Variants in PRKG1 observed in about 807,000 individuals in gnomAD.
PRKG1 encodes the protein protein kinase cGMP-dependent 1.
Under a neutral mutation model 88.1 loss-of-function variants are expected in PRKG1, and 35 were observed. The observed-to-expected ratio is 0.40, with a 90% CI of 0.30 to 0.53. The LOEUF (loss-of-function observed/expected upper bound fraction) is 0.53, where lower values mean the gene tolerates loss of function less well. Among genes scored for constraint, PRKG1 ranks in the 20% least tolerant of loss-of-function variants. PRKG1 has a pLI of 0.59. For synonymous variants in PRKG1, 303 were observed against 292.5 expected (o/e 1.04, Z -0.37); for missense variants, 540 against 839.8 (o/e 0.64, Z 4.41).
intron 2 of PRKG1, among the ~76,000 whole-genome samples, chr10:51,325,082 G>T (rs1303766239): frequency 6.6e-6 from 1 of 152,138 alleles, no homozygotes; most frequent in Non-Finnish European, 1.5e-5. Flanking sequence ...ACTAGGGTGA[G>T]ATGATATCTG....
At chr10:52,187,754 A>AATGCT (rs1418184361) in intron 9 of PRKG1, among the ~76,000 whole-genome samples, 1 of 152,200 alleles carries the variant, frequency 6.6e-6, no homozygotes, top group Non-Finnish European at 1.5e-5. Context: ...CCATGAGCCA[A>AATGCT]ACACTGGTCA....
chr10:52,109,183 G>A (rs1229700281), intron 7 of PRKG1, among the ~76,000 whole-genome samples: 5 of 152,082 alleles, frequency 3.3e-5, no homozygotes, highest in Non-Finnish European at 5.9e-5. Context: ...AGGTCTCAGC[G>A]GGGGAGTGGC....
At chr10:51,822,195 G>A (rs1268307282) in intron 4 of PRKG1, among the ~76,000 whole-genome samples, 3 of 151,896 alleles carry the variant, frequency 2.0e-5, no homozygotes, top group Non-Finnish European at 4.4e-5. Flanking sequence ...TATATGGTGT[G>A]TGTATTTATA....
At chr10:51,148,918 T>C (rs1348945322) in intron 1 of PRKG1, among the ~76,000 whole-genome samples, 1 of 152,138 alleles carries the variant, frequency 6.6e-6, no homozygotes, top group Non-Finnish European at 1.5e-5. Flanking sequence ...TTATAGTCCT[T>C]CACTGGTGTT....
chr10:51,802,081 A>G (rs917340095), intron 3 of PRKG1, among the ~76,000 whole-genome samples: 13 of 152,150 alleles, frequency 8.5e-5, no homozygotes, highest in Admixed American at 7.9e-4. Flanking sequence ...ATATTTTTGA[A>G]TGGTCTCTGT....
intron 3 of PRKG1, among the ~76,000 whole-genome samples, chr10:51,669,812 A>C (rs1589178829): frequency 6.6e-6 from 1 of 152,208 alleles, no homozygotes; most frequent in African/African-American, 2.4e-5. Context: ...TAGTTACCAT[A>C]AATGTTCCAT....
At chr10:52,228,226 A>G (rs984476280) in intron 9 of PRKG1, among the ~76,000 whole-genome samples, 2 of 151,990 alleles carry the variant, frequency 1.3e-5, no homozygotes, top group Non-Finnish European at 2.9e-5. Context: ...TCTCACTTTC[A>G]TTCACTTTGT....
intron 5 of PRKG1, among the ~76,000 whole-genome samples, chr10:51,974,932 C>T (rs964584796): frequency 2.0e-5 from 3 of 151,900 alleles, no homozygotes; most frequent in Non-Finnish European, 4.4e-5. Flanking sequence ...AATTTGGTGC[C>T]CAACTACGTA....
At chr10:51,611,155 C>A (rs1838896180) in intron 3 of PRKG1, among the ~76,000 whole-genome samples, 1 of 151,614 alleles carries the variant, frequency 6.6e-6, no homozygotes, top group African/African-American at 2.4e-5. Context: ...AGTGGGATTG[C>A]TGGATAGTGT....
intron 3 of PRKG1, among the ~76,000 whole-genome samples, chr10:51,528,673 G>T (rs543656889): frequency 6.6e-6 from 1 of 151,602 alleles, no homozygotes; most frequent in Non-Finnish European, 1.5e-5. Context: ...TTCTCGGGGT[G>T]GGGGGAAGAC....
At position 52,191,746 on chromosome 10, in the gene PRKG1, A is replaced by G. The variant is rs1839369114; in HGVS notation, c.1076+29783A>G. Among the ~76,000 whole-genome samples the G allele has an allele frequency of 3.3e-5, 5 of 152,210 alleles. No individual in the cohort carries two copies. In the South Asian group the frequency reaches 1.0e-3, roughly 32 times the overall value. ...TCAGTGAATTAAGAGATAACAATGT[A>G]ATCCTTTTCCTACAAAGTTTTCAAT... On this transcript the variant is annotated intron_variant, in intron 9 of 17. Coordinates refer to ENST00000373980, the MANE Select transcript of PRKG1 (RefSeq NM_006258.4).
chr10:52,193,761 A>G (rs74526640), intron 9 of PRKG1, among the ~76,000 whole-genome samples: 109 of 152,286 alleles, frequency 7.2e-4, no homozygotes, highest in African/African-American at 2.2e-3. Context: ...AGAAGCAAGT[A>G]CTATAACCAG....
At chr10:51,210,553 C>T (rs1206249740) in intron 2 of PRKG1, among the ~76,000 whole-genome samples, 3 of 151,994 alleles carry the variant, frequency 2.0e-5, no homozygotes, top group African/African-American at 7.2e-5. Flanking sequence ...GATCAACAAA[C>T]TTGATAGACC....
chr10:52,127,610 A>C (rs1327649873), intron 7 of PRKG1, among the ~76,000 whole-genome samples: 1 of 152,112 alleles, frequency 6.6e-6, no homozygotes, highest in East Asian at 1.9e-4. Flanking sequence ...AGGGAAGGGG[A>C]CTACTAGAGA....
At chr10:51,289,887 G>A (rs895377689) in intron 2 of PRKG1, among the ~76,000 whole-genome samples, 1 of 152,140 alleles carries the variant, frequency 6.6e-6, no homozygotes, top group Non-Finnish European at 1.5e-5. Context: ...ATTTCACTCT[G>A]CAGCTTTAAA....
At chr10:51,736,950 A>G (rs949477027) in intron 3 of PRKG1, among the ~76,000 whole-genome samples, 2 of 152,092 alleles carry the variant, frequency 1.3e-5, no homozygotes, top group African/African-American at 4.8e-5. Context: ...AATCCATCTT[A>G]CTTTTGATAC....
At chr10:51,612,305 T>A (rs893260353) in intron 3 of PRKG1, among the ~76,000 whole-genome samples, 2 of 152,094 alleles carry the variant, frequency 1.3e-5, no homozygotes, top group African/African-American at 4.8e-5. Context: ...CCTCTTCAGT[T>A]TTTTTCTTCA....
At chr10:51,598,983 A>T (rs937794632) in intron 3 of PRKG1, among the ~76,000 whole-genome samples, 1 of 152,190 alleles carries the variant, frequency 6.6e-6, no homozygotes, top group African/African-American at 2.4e-5. Flanking sequence ...TAGAAGACAA[A>T]CAACACCATG....
chr10:52,288,363 C>A (rs796784187), intron 14 of PRKG1, among the ~76,000 whole-genome samples: 2 of 151,976 alleles, frequency 1.3e-5, no homozygotes, highest in Non-Finnish European at 2.9e-5. Context: ...GGTGTTCCTG[C>A]GGCCCCTCCT....
Sources: allele counts gnomAD v4.1 joint callset (sites outside exome capture counted in the v4.1 genomes callset), GRCh38; gene constraint gnomAD v4.1.1; transcripts MANE v1.5; gene names NCBI Gene and HGNC (gene_info 2026-07-23, HGNC 2026-07-21).